The following PLAAT1 variants were observed in gnomAD, a reference collection of about 807,000 sequenced individuals.
The protein encoded by PLAAT1 is phospholipase A and acyltransferase 1, also known as H-REV107 protein-related protein.
A neutral mutation model predicts 16.4 loss-of-function variants in PLAAT1; 13 were observed. The observed-to-expected ratio is 0.79, with a 90% CI of 0.52 to 1.26. PLAAT1 has a LOEUF of 1.26. PLAAT1 is among the 50% of genes most tolerant of loss of function. PLAAT1 has a pLI of 0.00. For synonymous variants in PLAAT1, 73 were observed against 78.4 expected (o/e 0.93, Z 0.36); for missense variants, 218 against 207.8 (o/e 1.05, Z -0.30).
chr3:193,254,700 G>T (rs1716312819), intron 1 of PLAAT1, among the ~76,000 whole-genome samples: 1 of 152,070 alleles, frequency 6.6e-6, no homozygotes, highest in Non-Finnish European at 1.5e-5. Context: ...AAGTTGTCCT[G>T]CGTCTGCTGT....
chr3:193,263,713 T>C (rs1716675407), intron 3 of PLAAT1, among the ~76,000 whole-genome samples: 1 of 152,250 alleles, frequency 6.6e-6, no homozygotes, highest in Non-Finnish European at 1.5e-5. Context: ...TCCTTGCAAT[T>C]GCTAATTTCA....
In PLAAT1 at chr3:193,263,096, C is replaced by G; in HGVS notation, c.266C>G (p.Thr89Arg). ...AGAATAAACAATAAATACGATGAAA[C>G]GTACCCCCCTCTCCCTGTGGAAGAA... Reference protein sequence around the residue: ...TYRINNKYDETYPPLPVEEII... With the variant: ...TYRINNKYDERYPPLPVEEII... Residue 89 changes from threonine (T) to arginine (R), a missense_variant, in exon 3 of 4, where the codon ACG becomes AGG. Thr to Arg is a moderately conservative substitution (Grantham distance 71). Coordinates refer to ENST00000264735, the MANE Select transcript of PLAAT1 (RefSeq NM_020386.5). 1 of 1,614,142 alleles carries G rather than the reference C, an allele frequency of 6.2e-7. No homozygotes were observed. The highest frequency in any genetic ancestry group is 8.5e-7 in the Non-Finnish European group (1 of 1,180,034).
chr3:193,273,650 C>T (rs190271646), downstream of PLAAT1, among the ~76,000 whole-genome samples: 2 of 152,162 alleles, frequency 1.3e-5, no homozygotes, highest in Admixed American at 6.5e-5. Context: ...TCAGATTTAT[C>T]GTTATAAGGA....
intron 2 of PLAAT1, among the ~76,000 whole-genome samples, chr3:193,256,186 C>T (rs1577304486): frequency 6.6e-6 from 1 of 152,176 alleles, no homozygotes; most frequent in East Asian, 1.9e-4. Context: ...ATACAGACGT[C>T]TCCCTGCATG....
chr3:193,266,883 G>T (rs768156154), intron 3 of PLAAT1, among the ~76,000 whole-genome samples: 2 of 151,848 alleles, frequency 1.3e-5, no homozygotes, highest in Non-Finnish European at 2.9e-5. Context: ...TTAGTTTTTT[G>T]AATCCCTTTA....
chr3:193,255,671 C>A lies in PLAAT1; in HGVS notation c.21C>A (p.Phe7Leu). Residue 7 changes from phenylalanine to leucine, a missense_variant, in exon 2 of 4, where the codon TTC becomes TTA. By Grantham distance (22) the Phe-to-Leu change is conservative. Coordinates refer to ENST00000264735, the MANE Select transcript of PLAAT1 (RefSeq NM_020386.5). ...TGCAGATGGCGTTTAATGATTGCTT[C>A]AGTTTGAACTACCCTGGCAACCCCT... Reference protein sequence around the residue: MAFNDCFSLNYPGNPCP... With the variant: MAFNDCLSLNYPGNPCP... 6.2e-7 allele frequency: 1 copy of A among 1,610,306 alleles called. No homozygotes were observed. Among genetic ancestry groups the A allele is most frequent in the Non-Finnish European group, 8.5e-7 (1 of 1,177,934 alleles).
intron 3 of PLAAT1, among the ~76,000 whole-genome samples, 165 bp downstream of exon 3, chr3:193,263,400 C>A (rs1716663048): frequency 6.6e-6 from 1 of 152,110 alleles, no homozygotes; most frequent in African/African-American, 2.4e-5. Flanking sequence ...AGTTAATAAC[C>A]AAACTGAGAC....
At chr3:193,246,124 T>C (rs1715973795) in intron 1 of PLAAT1, among the ~76,000 whole-genome samples, 2 of 152,184 alleles carry the variant, frequency 1.3e-5, no homozygotes, top group African/African-American at 4.8e-5. Flanking sequence ...GAATCACTGT[T>C]GTCTTTCTAA....
At chr3:193,279,310 G>GA (rs1717370928), downstream of PLAAT1, 1 of 1,308,018 alleles carries the variant, frequency 7.6e-7, no homozygotes, top group Admixed American at 1.8e-5. Flanking sequence ...GAATTACAAT[G>GA]AATACATGGT....
At chr3:193,267,031 G>A (rs896297941) in intron 3 of PLAAT1, among the ~76,000 whole-genome samples, 2 of 151,786 alleles carry the variant, frequency 1.3e-5, no homozygotes, top group Non-Finnish European at 2.9e-5. Flanking sequence ...GTGCTTTTCT[G>A]TATTTGAAAA....
intron 1 of PLAAT1, among the ~76,000 whole-genome samples, chr3:193,246,770 T>C (rs1577298664): frequency 6.6e-6 from 1 of 152,360 alleles, no homozygotes; most frequent in East Asian, 1.9e-4. Flanking sequence ...AGTTTGCTAG[T>C]ATTTTGTTAA....
upstream of PLAAT1, among the ~76,000 whole-genome samples, chr3:193,240,874 G>C (rs1161168332): frequency 6.6e-6 from 1 of 151,502 alleles, no homozygotes; most frequent in Non-Finnish European, 1.5e-5. Flanking sequence ...AGAAGAGTGG[G>C]TGTACTCATG....
downstream of PLAAT1, among the ~76,000 whole-genome samples, chr3:193,273,316 CTGCTAAATTA>C (rs1349361239): frequency 1.3e-5 from 2 of 152,114 alleles, no homozygotes; most frequent in Admixed American, 1.3e-4. Context: ...TTACCAGTAG[CTGCTAAATTA>C]TACACATTGT....
chr3:193,276,995 A>G (rs939338354), intron 2 of PLAAT1, among the ~76,000 whole-genome samples: 9 of 152,198 alleles, frequency 5.9e-5, no homozygotes, highest in African/African-American at 2.2e-4. Context: ...AAAGCCTATA[A>G]ATAAATGGCA....
At chr3:193,253,316 T>C (rs1415158926) in intron 1 of PLAAT1, among the ~76,000 whole-genome samples, 3 of 152,218 alleles carry the variant, frequency 2.0e-5, no homozygotes, top group African/African-American at 4.8e-5. Context: ...AATCAATTTA[T>C]ATGTCAAATT....
chr3:193,266,264 A>G (rs1577311062), intron 3 of PLAAT1, among the ~76,000 whole-genome samples: 1 of 152,162 alleles, frequency 6.6e-6, no homozygotes, highest in African/African-American at 2.4e-5. Flanking sequence ...GGGTATGCTT[A>G]TCTCCAAATA....
At chr3:193,254,188 T>G (rs1044730344) in intron 1 of PLAAT1, among the ~76,000 whole-genome samples, 1 of 152,222 alleles carries the variant, frequency 6.6e-6, no homozygotes, top group Non-Finnish European at 1.5e-5. Flanking sequence ...CAGCTTACAT[T>G]TGGCCACGTT....
chr3:193,270,798 C>T lies in PLAAT1; in HGVS notation c.*93C>T. ...TTATTTTCAGTGCATCATTACTGTTCCAGATTCCTATGATGGATGGCAGAC... is the reference window on the plus strand; with the variant it reads ...TTATTTTCAGTGCATCATTACTGTTTCAGATTCCTATGATGGATGGCAGAC... On this transcript the variant is annotated 3_prime_UTR_variant, in exon 4 of 4. Coordinates refer to ENST00000264735, the MANE Select transcript of PLAAT1 (RefSeq NM_020386.5). 6.8e-7 allele frequency: 1 copy of T among 1,471,278 alleles called. No individual in the cohort carries two copies. The highest frequency in any genetic ancestry group is 9.0e-7 in the Non-Finnish European group (1 of 1,107,568). The allele number at this position is 1,471,278 out of a possible 1,614,324, so 91.1% of individuals were successfully genotyped here.
intron 3 of PLAAT1, 112 bp from the exon 4 acceptor site, chr3:193,270,492 C>T: frequency 5.2e-6 from 4 of 769,350 alleles, no homozygotes; most frequent in Non-Finnish European, 6.1e-6. Flanking sequence ...TAGATGTATC[C>T]ATTGTACATT....
Sources: allele counts gnomAD v4.1 joint callset (sites outside exome capture counted in the v4.1 genomes callset), GRCh38; gene constraint gnomAD v4.1.1; transcripts MANE v1.5; gene names NCBI Gene and HGNC (gene_info 2026-07-23, HGNC 2026-07-21).